ENOX2: variants seen among roughly 807,000 people sequenced by gnomAD.
ENOX2 encodes APK1 antigen.
Under a neutral mutation model 45.0 loss-of-function variants are expected in ENOX2, and 36 were observed. That is an observed-to-expected ratio of 0.80 (90% CI 0.61 to 1.06). The LOEUF (loss-of-function observed/expected upper bound fraction) is 1.06, where lower values mean the gene tolerates loss of function less well. ENOX2 is among the 50% of genes least tolerant of loss of function. The pLI is 0.00. For synonymous variants in ENOX2, 174 were observed against 152.3 expected (o/e 1.14, Z -1.05); for missense variants, 423 against 462.5 (o/e 0.91, Z 0.78).
At chrX:130,633,651 G>A (rs2053844239) in intron 12 of ENOX2, among the ~76,000 whole-genome samples, 2 of 112,268 alleles carry the variant, frequency 1.8e-5, no homozygotes, top group South Asian at 7.4e-4. Flanking sequence ...AAAGCAGAAA[G>A]CTACTTACAC....
chrX:130,773,742 C>T (rs1047758065), intron 3 of ENOX2, among the ~76,000 whole-genome samples: 1 of 112,079 alleles, frequency 8.9e-6, no homozygotes, highest in African/African-American at 3.2e-5. Context: ...AGCTTGAACA[C>T]TAAAGATGCT....
intron 3 of ENOX2, among the ~76,000 whole-genome samples, chrX:130,711,237 G>T: frequency 8.9e-6 from 1 of 111,759 alleles, no homozygotes; most frequent in East Asian, 2.8e-4. Context: ...GCAATATATT[G>T]TGGCAGTGCA....
At chrX:130,889,807 G>A (rs2078958878) in intron 2 of ENOX2, among the ~76,000 whole-genome samples, 1 of 112,465 alleles carries the variant, frequency 8.9e-6, no homozygotes, top group Non-Finnish European at 1.9e-5. Context: ...GGTACTGACA[G>A]CCCTAGCACC....
At chrX:130,846,628 C>T (rs953182573) in intron 2 of ENOX2, among the ~76,000 whole-genome samples, 2 of 112,539 alleles carry the variant, frequency 1.8e-5, no homozygotes, top group East Asian at 2.8e-4. Context: ...TGAGCCACTG[C>T]GCCCAGCCGG....
chrX:130,880,102 T>C (rs1263102158), intron 2 of ENOX2, among the ~76,000 whole-genome samples: 1 of 111,446 alleles, frequency 9.0e-6, no homozygotes, highest in Non-Finnish European at 1.9e-5. Context: ...GGGAGTGAGT[T>C]TGAATGGTAC....
At chrX:130,685,221 G>A (rs752314474) in intron 5 of ENOX2, among the ~76,000 whole-genome samples, 1 of 111,254 alleles carries the variant, frequency 9.0e-6, no homozygotes, top group Non-Finnish European at 1.9e-5. Flanking sequence ...CAGTGTGACC[G>A]GAACAGAGGA....
intron 3 of ENOX2, among the ~76,000 whole-genome samples, chrX:130,713,412 A>AGGTTGGACCCAGGGGTTCT (rs1215480880): frequency 1.8e-5 from 2 of 111,563 alleles, no homozygotes; most frequent in Non-Finnish European, 3.8e-5. Flanking sequence ...GAATAGGTTA[A>AGGTTGGACCCAGGGGTTCT]GGTTGGACCC....
intron 2 of ENOX2, among the ~76,000 whole-genome samples, chrX:130,817,249 C>G (rs907842903): frequency 8.9e-6 from 1 of 111,871 alleles, no homozygotes; most frequent in Non-Finnish European, 1.9e-5. Flanking sequence ...AGACCAATAA[C>G]AAGTTCTGAA....
intron 2 of ENOX2, among the ~76,000 whole-genome samples, chrX:130,844,291 C>G (rs145325318): frequency 7.2e-4 from 81 of 112,031 alleles, no homozygotes; most frequent in African/African-American, 2.4e-3. Flanking sequence ...CCTACTCCCC[C>G]CTTGCCTGTC....
At chrX:130,815,654 A>G (rs760104082) in intron 2 of ENOX2, among the ~76,000 whole-genome samples, 30 of 112,198 alleles carry the variant, frequency 2.7e-4, no homozygotes, top group Non-Finnish European at 4.3e-4. Context: ...ACTAAGCTTC[A>G]TAAGTGAAGG....
At chrX:130,808,708 G>A (rs1379985223) in intron 2 of ENOX2, among the ~76,000 whole-genome samples, 1 of 111,755 alleles carries the variant, frequency 8.9e-6, no homozygotes, top group Non-Finnish European at 1.9e-5. Context: ...CGTGATTTGG[G>A]TGGGATAGCA....
At chrX:130,628,070 T>C (rs894100510) in intron 13 of ENOX2, 27 bp from the exon 14 acceptor site, 2 of 1,055,328 alleles carry the variant, frequency 1.9e-6, no homozygotes, top group African/African-American at 3.7e-5. Context: ...ATGGAGGTTA[T>C]ACTTGAGCCT....
At chrX:130,637,848 T>C (rs1347565074) in intron 10 of ENOX2, among the ~76,000 whole-genome samples, 1 of 111,352 alleles carries the variant, frequency 9.0e-6, no homozygotes, top group African/African-American at 3.3e-5. Context: ...AGATTCTAAC[T>C]TCAGTTACAC....
At chrX:130,816,816 G>C (rs960382932) in intron 2 of ENOX2, among the ~76,000 whole-genome samples, 4 of 111,926 alleles carry the variant, frequency 3.6e-5, no homozygotes, top group African/African-American at 1.3e-4. Context: ...AAGTGGGAAA[G>C]ATGTAGAATC....
At chrX:130,663,172 A>G (rs1370595545) in intron 9 of ENOX2, among the ~76,000 whole-genome samples, 1 of 112,507 alleles carries the variant, frequency 8.9e-6, no homozygotes, top group African/African-American at 3.2e-5. Flanking sequence ...TATCAACCTA[A>G]TAACTACACA....
rs201393177 is a variant in ENOX2 at position 130,670,030 on chromosome X, G to A, written c.629C>T (p.Pro210Leu). 83 of 1,209,801 alleles carry A rather than the reference G, an allele frequency of 6.9e-5. No individual in the cohort carries two copies. The highest frequency in any genetic ancestry group is 5.0e-5 in the Non-Finnish European group (45 of 894,851). Residue 210 changes from proline (P) to leucine (L), a missense_variant, in exon 7 of 15, where the codon CCA (proline) becomes CTA (leucine). By Grantham distance (98) the Pro-to-Leu change is moderately conservative. Coordinates refer to ENST00000394363, the MANE Select transcript of ENOX2 (RefSeq NM_006375.4). ...ATAGTGGACCACTGGGGGTGGAGAT[G>A]GTGGACGCAATCTTTCTTCTTCCAT... is the stretch of plus-strand genomic sequence containing the variant. ...RRMEEERLRP[P>L]SPPPVVHYSD... is the part of the protein sequence containing the mutation.
At chrX:130,797,526 C>G (rs775540906) in intron 2 of ENOX2, among the ~76,000 whole-genome samples, 2 of 103,215 alleles carry the variant, frequency 1.9e-5, no homozygotes, top group Non-Finnish European at 3.9e-5. Flanking sequence ...GGAAACTTAT[C>G]CTTTGGAGAA....
intron 4 of ENOX2, among the ~76,000 whole-genome samples, chrX:130,692,329 G>A (rs1434041645): frequency 8.8e-6 from 1 of 113,243 alleles, no homozygotes; most frequent in African/African-American, 3.2e-5. Context: ...CCCTGGCCTG[G>A]CTTGTGGAGT....
rs769003766 is a variant in ENOX2, at chrX:130,702,953, C to G, written c.97+167G>C. ...TGTCCAAAGTGCAAAACGGAGTATA[C>G]TAGTAACTACTGGCCACCCAGACTA... On this transcript the variant is annotated intron_variant, in intron 4 of 14. Coordinates refer to ENST00000394363, the MANE Select transcript of ENOX2 (RefSeq NM_006375.4). Among the ~76,000 whole-genome samples the G allele has an allele frequency of 2.7e-5, 3 of 112,186 alleles. No individual in the cohort carries two copies. In the South Asian group the frequency reaches 1.1e-3, roughly 42 times the overall value.
Sources: gnomAD v4.1 joint callset for allele counts (sites outside exome capture counted in the v4.1 genomes callset) on GRCh38, gnomAD v4.1.1 for gene constraint, MANE v1.5 for transcripts, NCBI Gene and HGNC (gene_info 2026-07-23, HGNC 2026-07-21) for gene names.